Variants in CHL1 observed in about 807,000 individuals in gnomAD.
The protein encoded by CHL1 is cell adhesion molecule L1 like, also known as neural cell adhesion molecule L1-like protein.
CHL1 carries 96 observed loss-of-function variants against 141.9 expected under a neutral mutation model. That is an observed-to-expected ratio of 0.68 (90% CI 0.57 to 0.80). The LOEUF (loss-of-function observed/expected upper bound fraction) is 0.80. CHL1 is among the 30% of genes least tolerant of loss of function. The pLI is 0.00. For missense variants in CHL1, 1,820 were observed against 1,457.2 expected, an observed-to-expected ratio of 1.25 and a Z score of -4.05; for synonymous variants, 613 against 502.2, an observed-to-expected ratio of 1.22 and a Z score of -2.95.
Position 349,471 on chromosome 3 carries a change from A to G in CHL1, c.961A>G (p.Lys321Glu), listed in dbSNP as rs1703060418. The part of the protein sequence containing the change: ...LKIENVSYQD[K>E]GNYRCTASNF... ...GATAGAGAATGTCTCCTACCAGGAC[A>G]AAGGAAATTATCGCTGCACAGCCAG... Residue 321 changes from lysine to glutamate, a missense_variant, in exon 10 of 28, where the codon AAA becomes GAA. Lys to Glu is a moderately conservative substitution (Grantham distance 56). Transcript: ENST00000256509. The G allele has an allele frequency of 6.2e-7, 1 of 1,613,982 alleles. No individual in the cohort carries two copies. Among genetic ancestry groups the G allele is most frequent in the South Asian group, 1.1e-5 (1 of 91,092 alleles).
At chr3:290,693 T>A (rs2125337525) in intron 2 of CHL1, among the ~76,000 whole-genome samples, 1 of 152,240 alleles carries the variant, frequency 6.6e-6, no homozygotes, top group East Asian at 1.9e-4. Flanking sequence ...ATAAACCCCT[T>A]TCCTCATTTG....
chr3:226,467 A>C (rs1701362787), intron 1 of CHL1, among the ~76,000 whole-genome samples: 1 of 149,692 alleles, frequency 6.7e-6, no homozygotes, highest in African/African-American at 2.5e-5. Context: ...TCTGAGACGG[A>C]GTTTTGCTCT....
At chr3:258,890 T>C (rs1285320198) in intron 2 of CHL1, among the ~76,000 whole-genome samples, 1 of 151,560 alleles carries the variant, frequency 6.6e-6, no homozygotes, top group East Asian at 1.9e-4. Flanking sequence ...ATAAAGAAGG[T>C]ACTACAATTA....
At chr3:202,600 G>A (rs771287301) in intron 1 of CHL1, among the ~76,000 whole-genome samples, 1 of 152,022 alleles carries the variant, frequency 6.6e-6, no homozygotes, top group East Asian at 1.9e-4. Flanking sequence ...ATTCTAACAC[G>A]CCCTAATGTA....
At position 328,191 on chromosome 3, in the gene CHL1, C is replaced by T. The variant is rs1360264956; in HGVS notation, c.222C>T (p.Asn74=). ...GATTTTCGTGGACTAAGGATGGCAA[C>T]CCTTTTTATTTCACTGACCATCGGA... The part of the protein sequence containing the change: ...EPTFSWTKDG[N]PFYFTDHRII... Residue 74 remains asparagine (N), a synonymous_variant, in exon 5 of 28, where the codon AAC becomes AAT. Coordinates refer to ENST00000256509, the MANE Select transcript of CHL1 (RefSeq NM_006614.4). The T allele has an allele frequency of 1.2e-6, 2 of 1,604,954 alleles. No individual in the cohort carries two copies. The highest frequency in any genetic ancestry group is 1.7e-6 in the Non-Finnish European group (2 of 1,175,176).
chr3:398,818 G>A (rs1451992137), intron 25 of CHL1, among the ~76,000 whole-genome samples, 199 bp from the exon 26 acceptor site: 1 of 152,058 alleles, frequency 6.6e-6, no homozygotes, highest in Non-Finnish European at 1.5e-5. Flanking sequence ...ACTCGAAGAA[G>A]TCCCTTTTTA....
At chr3:233,889 G>A (rs978829513) in intron 1 of CHL1, among the ~76,000 whole-genome samples, 1 of 152,016 alleles carries the variant, frequency 6.6e-6, no homozygotes, top group Non-Finnish European at 1.5e-5. Flanking sequence ...TCCATTGGTA[G>A]TTGGTGATAT....
intron 1 of CHL1, among the ~76,000 whole-genome samples, chr3:211,933 C>T (rs1575607902): frequency 1.3e-5 from 2 of 152,066 alleles, no homozygotes; most frequent in Non-Finnish European, 2.9e-5. Flanking sequence ...ATGGAACAAA[C>T]GTGTGGGAGT....
At position 389,318 on chromosome 3, in the gene CHL1, GC is replaced by G. The variant is rs759873567; in HGVS notation, c.2318del (p.Pro773GlnfsTer16). 1.9e-6 allele frequency: 3 copies of G among 1,614,086 alleles called. No individual in the cohort carries two copies. The highest frequency in any genetic ancestry group is 1.7e-6 in the Non-Finnish European group (2 of 1,179,972). On this transcript the variant is annotated frameshift_variant, in exon 20 of 28. Coordinates refer to ENST00000256509, the MANE Select transcript of CHL1 (RefSeq NM_006614.4). LOFTEE classifies it high-confidence loss of function. The stretch of plus-strand genomic sequence containing the variant: ...CAGAGTGACCTGGAAGCCACAGGGA[GC>G]CCCAGTGGAGTGGGAAGAAGAAACA... Reference protein sequence around the residue: ...EYRVTWKPQGAPVEWEEETVT... With the variant: ...EYRVTWKPQGXPVEWEEETVT...
Position 406,876 on chromosome 3 carries a change from A to C in CHL1, c.*1165A>C, listed in dbSNP as rs1709563103. 1 of 152,122 alleles carries C rather than the reference A, an allele frequency of 6.6e-6. No homozygotes were observed. Among genetic ancestry groups the C allele is most frequent in the African/African-American group, 2.4e-5 (1 of 41,438 alleles). The allele number at this position is 152,122 out of a possible 1,614,324, so 9.4% of individuals were successfully genotyped here. A position where few individuals can be genotyped will look rare whatever the true frequency, so the allele number is the denominator to read the frequency against. On this transcript the variant is annotated 3_prime_UTR_variant, in exon 28 of 28. Transcript: ENST00000256509. ...TGAGGGAAATGTTTTCATATTTTTCAAAATAGGTTTTTATTGTTGAATGTA... is the reference window on the plus strand; with the variant it reads ...TGAGGGAAATGTTTTCATATTTTTCCAAATAGGTTTTTATTGTTGAATGTA...
chr3:306,836 T>C (rs1156619920), intron 2 of CHL1, among the ~76,000 whole-genome samples: 1 of 152,192 alleles, frequency 6.6e-6, no homozygotes, highest in Non-Finnish European at 1.5e-5. Context: ...CATATTCAAA[T>C]GCTTAATGTT....
intron 2 of CHL1, among the ~76,000 whole-genome samples, chr3:263,780 T>A (rs1574900811): frequency 1.3e-5 from 2 of 152,234 alleles, no homozygotes; most frequent in South Asian, 4.1e-4. Context: ...CACATCTATA[T>A]TGGCCTAGGG....
At chr3:389,741 C>A (rs2125438689) in intron 20 of CHL1, among the ~76,000 whole-genome samples, 1 of 152,180 alleles carries the variant, frequency 6.6e-6, no homozygotes, top group Non-Finnish European at 1.5e-5. Flanking sequence ...AATTGAAGAC[C>A]TGGAATTATC....
intron 2 of CHL1, among the ~76,000 whole-genome samples, chr3:298,408 A>C (rs1698406314): frequency 7.5e-6 from 1 of 134,182 alleles, no homozygotes; most frequent in African/African-American, 2.8e-5. Context: ...AAGAGCATGC[A>C]CTGGACCCAC....
chr3:239,359 G>A (rs1024397026), intron 1 of CHL1, among the ~76,000 whole-genome samples: 1 of 152,062 alleles, frequency 6.6e-6, no homozygotes, highest in African/African-American at 2.4e-5. Flanking sequence ...ATTAGCTTAC[G>A]ATCGCACAAC....
chr3:351,051 C>A (rs1703212442), intron 10 of CHL1, among the ~76,000 whole-genome samples: 1 of 152,136 alleles, frequency 6.6e-6, no homozygotes, highest in African/African-American at 2.4e-5. Context: ...AGATTCTCCT[C>A]CAAGTTGCTG....
intron 1 of CHL1, among the ~76,000 whole-genome samples, chr3:220,334 T>G (rs1700720435): frequency 6.6e-6 from 1 of 152,180 alleles, no homozygotes; most frequent in African/African-American, 2.4e-5. Flanking sequence ...TCAGGAGTGG[T>G]GGTATGCACC....
chr3:391,346 T>C (rs2125446391), intron 22 of CHL1, among the ~76,000 whole-genome samples, 187 bp downstream of exon 22: 1 of 152,240 alleles, frequency 6.6e-6, no homozygotes, highest in Admixed American at 6.5e-5. Context: ...TGAAATCCTG[T>C]CTCTATCAAA....
At chr3:234,986 T>TTATTACTA (rs1467174705) in intron 1 of CHL1, among the ~76,000 whole-genome samples, 3 of 103,226 alleles carry the variant, frequency 2.9e-5, no homozygotes, top group Non-Finnish European at 7.0e-5. Context: ...TAATTCTTTT[T>TTATTACTA]TTATTACTAT....
Sources: gnomAD v4.1 joint callset for allele counts (sites outside exome capture counted in the v4.1 genomes callset) on GRCh38, gnomAD v4.1.1 for gene constraint, MANE v1.5 for transcripts, NCBI Gene and HGNC (gene_info 2026-07-23, HGNC 2026-07-21) for gene names.